NAALADL2: variants seen among roughly 807,000 people sequenced by gnomAD.
The protein encoded by NAALADL2 is N-acetylated alpha-linked acidic dipeptidase like 2.
NAALADL2 carries 76 observed loss-of-function variants against 87.2 expected under a neutral mutation model. That is an observed-to-expected ratio of 0.87 (90% CI 0.72 to 1.05). The LOEUF is 1.05. Ranked by LOEUF, NAALADL2 falls within the 50% of genes least tolerant of loss-of-function variation. NAALADL2 has a pLI of 0.00. For missense variants in NAALADL2, 1,089 were observed against 945.8 expected (o/e 1.15, Z -1.99); for synonymous variants, 354 against 331.0 (o/e 1.07, Z -0.75).
At chr3:175,378,569 AC>A (rs1288335736) in intron 5 of NAALADL2, among the ~76,000 whole-genome samples, 2 of 152,136 alleles carry the variant, frequency 1.3e-5, no homozygotes, top group African/African-American at 4.8e-5. Flanking sequence ...TCTCAAGGGC[AC>A]CCTTATGCAA....
intron 2 of NAALADL2, among the ~76,000 whole-genome samples, chr3:175,170,660 A>G (rs1291991823): frequency 2.0e-5 from 3 of 151,328 alleles, no homozygotes; most frequent in South Asian, 2.1e-4. Flanking sequence ...GGACATTCAT[A>G]TAGAAGAATA....
At chr3:174,852,382 G>A (rs761968290) in intron 3 of NAALADL2, among the ~76,000 whole-genome samples, 6 of 151,938 alleles carry the variant, frequency 3.9e-5, no homozygotes, top group Non-Finnish European at 7.4e-5. Flanking sequence ...TTCAGGACAC[G>A]AAGTTAACAT....
Position 174,624,842 on chromosome 3 carries a change from A to C in NAALADL2, c.-115+74205A>C, listed in dbSNP as rs548427964. ...TTTTTCAGGCTATTAGCCAATAATA[A>C]GCATTATTTGAAATTAAGTAGTTTA... On this transcript the variant is annotated intron_variant, in intron 2 of 3. Coordinates refer to the NAALADL2 transcript ENST00000434257. Among the ~76,000 whole-genome samples, 10 of 152,282 alleles carry C rather than the reference A, an allele frequency of 6.6e-5. No homozygotes were observed. The East Asian group carries it at 1.9e-3, about 29-fold the overall frequency.
chr3:175,461,996 G>A (rs1292611956), intron 6 of NAALADL2, among the ~76,000 whole-genome samples: 1 of 152,112 alleles, frequency 6.6e-6, no homozygotes, highest in African/African-American at 2.4e-5. Flanking sequence ...TTAGAGTAGT[G>A]AAGCTATCCC....
chr3:175,220,019 GT>G (rs1351086168), intron 2 of NAALADL2, among the ~76,000 whole-genome samples: 1 of 151,210 alleles, frequency 6.6e-6, no homozygotes, highest in African/African-American at 2.4e-5. Context: ...CTTTTTTAAA[GT>G]GGTAAGTCAG....
At chr3:175,116,279 G>A (rs1237803299) in intron 2 of NAALADL2, among the ~76,000 whole-genome samples, 3 of 152,006 alleles carry the variant, frequency 2.0e-5, no homozygotes, top group Non-Finnish European at 2.9e-5. Context: ...ATTAGGAAAA[G>A]AGGAAGTCAA....
chr3:174,867,388 C>T (rs1522996), intron 1 of NAALADL2, among the ~76,000 whole-genome samples: 45,431 of 151,764 alleles, frequency 0.3, 6,854 homozygotes, highest in Admixed American at 0.34. Flanking sequence ...ACAAACTAAA[C>T]TAGCCAGTCT....
chr3:175,610,946 TAAC>T (rs1724562886), intron 10 of NAALADL2, among the ~76,000 whole-genome samples: 1 of 152,016 alleles, frequency 6.6e-6, no homozygotes, highest in Admixed American at 6.6e-5. Context: ...GCAAATATAA[TAAC>T]AATATACAAT....
intron 4 of NAALADL2, among the ~76,000 whole-genome samples, chr3:175,303,711 A>G (rs533272757): frequency 6.6e-6 from 1 of 152,368 alleles, no homozygotes; most frequent in East Asian, 1.9e-4. Context: ...GCATACTACC[A>G]GAGAAACTAA....
intron 1 of NAALADL2, among the ~76,000 whole-genome samples, chr3:174,975,028 C>A (rs1040725384): frequency 3.9e-5 from 6 of 151,956 alleles, no homozygotes; most frequent in African/African-American, 1.5e-4. Context: ...ATTAATTGCC[C>A]TTTAAAGTAA....
chr3:174,847,957 AT>A (rs1219474779), intron 3 of NAALADL2, among the ~76,000 whole-genome samples: 5 of 151,732 alleles, frequency 3.3e-5, no homozygotes, highest in African/African-American at 1.2e-4. Context: ...CTCTGCTCTA[AT>A]AATGTCTTCA....
At chr3:175,510,930 C>T (rs1731062917) in intron 9 of NAALADL2, among the ~76,000 whole-genome samples, 1 of 152,122 alleles carries the variant, frequency 6.6e-6, no homozygotes, top group Non-Finnish European at 1.5e-5. Flanking sequence ...CTCTCATATA[C>T]TTAGTACTCT....
chr3:174,710,045 C>T (rs571471578), intron 2 of NAALADL2, among the ~76,000 whole-genome samples: 94 of 152,210 alleles, frequency 6.2e-4, no homozygotes, highest in Non-Finnish European at 9.9e-4. Flanking sequence ...ATATGGTAGG[C>T]AGAATTCTAA....
At chr3:174,766,799 C>T (rs1713856825) in intron 3 of NAALADL2, among the ~76,000 whole-genome samples, 1 of 152,162 alleles carries the variant, frequency 6.6e-6, no homozygotes, top group African/African-American at 2.4e-5. Flanking sequence ...GGAACATAAC[C>T]AGCAAAATTT....
chr3:175,439,291 G>T (rs1414647635), intron 5 of NAALADL2, among the ~76,000 whole-genome samples: 3 of 151,910 alleles, frequency 2.0e-5, no homozygotes, highest in African/African-American at 7.3e-5. Flanking sequence ...GAATTGTGTG[G>T]CTATAAACAT....
chr3:175,522,455 G>A (rs532560368), intron 9 of NAALADL2, among the ~76,000 whole-genome samples: 7 of 152,280 alleles, frequency 4.6e-5, no homozygotes, highest in South Asian at 2.1e-4. Flanking sequence ...GTGAAATGGC[G>A]TGCGCTGAAA....
At chr3:175,734,203 G>A (rs917551270) in intron 11 of NAALADL2, among the ~76,000 whole-genome samples, 6 of 152,252 alleles carry the variant, frequency 3.9e-5, no homozygotes, top group Admixed American at 1.3e-4. Flanking sequence ...TGATGGCCTC[G>A]CCCCTGCAAC....
chr3:174,484,923 G>C (rs1335907274), intron 1 of NAALADL2, among the ~76,000 whole-genome samples: 1 of 151,882 alleles, frequency 6.6e-6, no homozygotes, highest in Admixed American at 6.6e-5. Context: ...TGCTTAGCCG[G>C]TAGTTGTGTC....
chr3:175,374,845 G>A lies in NAALADL2; in HGVS notation c.1090+50520G>A, dbSNP rs1442450209. Among the ~76,000 whole-genome samples, 5 of 151,444 alleles carry A rather than the reference G, an allele frequency of 3.3e-5. No individual in the cohort carries two copies. The East Asian group carries it at 7.7e-4, about 23-fold the overall frequency. ...GCTGTAATGACACTACTGCACTCCA[G>A]CCTGGGTGACACAATGAGACCCTGT... is the stretch of plus-strand genomic sequence containing the variant. On this transcript the variant is annotated intron_variant, in intron 5 of 13. Transcript: ENST00000454872.
Sources: gnomAD v4.1 joint callset for allele counts (sites outside exome capture counted in the v4.1 genomes callset) on GRCh38, gnomAD v4.1.1 for gene constraint, MANE v1.5 for transcripts, NCBI Gene and HGNC (gene_info 2026-07-23, HGNC 2026-07-21) for gene names.